ZNF280D: variants seen among roughly 807,000 people sequenced by gnomAD.
ZNF280D encodes zinc finger protein 280D.
Under a neutral mutation model 94.7 loss-of-function variants are expected in ZNF280D, and 39 were observed. The observed-to-expected ratio is 0.41, with a 90% CI of 0.32 to 0.54. The LOEUF is 0.54. Ranked by LOEUF, ZNF280D falls within the 20% of genes least tolerant of loss-of-function variation. ZNF280D has a pLI of 0.22. For synonymous variants in ZNF280D, 398 were observed against 377.6 expected (o/e 1.05, Z -0.63); for missense variants, 1,090 against 1,149.3 (o/e 0.95, Z 0.75).
At chr15:56,704,444 A>G (rs2057278022) in intron 3 of ZNF280D, among the ~76,000 whole-genome samples, 177 bp from the exon 4 acceptor site, 1 of 152,222 alleles carries the variant, frequency 6.6e-6, no homozygotes, top group Admixed American at 6.5e-5. Context: ...TTACTATCTA[A>G]AATATTAAAT....
At chr15:56,671,251 A>G (rs900200025) in intron 13 of ZNF280D, among the ~76,000 whole-genome samples, 3 of 152,136 alleles carry the variant, frequency 2.0e-5, no homozygotes, top group East Asian at 3.9e-4. Context: ...GCCTTTGCCT[A>G]TGCCTATGTC....
chr15:56,694,645 A>G (rs1217694784), intron 6 of ZNF280D, among the ~76,000 whole-genome samples: 6 of 152,234 alleles, frequency 3.9e-5, no homozygotes, highest in Non-Finnish European at 8.8e-5. Context: ...TGTTACCATA[A>G]TATCTACTAC....
intron 18 of ZNF280D, 30 bp downstream of exon 18, chr15:56,654,355 A>G (rs1375803158): frequency 1.3e-6 from 2 of 1,596,110 alleles, no homozygotes; most frequent in Admixed American, 1.8e-5. Flanking sequence ...AAAGTCAAAA[A>G]TCTAAAGTAG....
At chr15:56,642,867 C>T (rs2052697264) in intron 20 of ZNF280D, 85 bp downstream of exon 20, 1 of 943,874 alleles carries the variant, frequency 1.1e-6, no homozygotes, top group Non-Finnish European at 1.5e-6. Flanking sequence ...TGTATGCATG[C>T]TGAAATTGAA....
chr15:56,675,069 G>T (rs1259505015), intron 13 of ZNF280D, among the ~76,000 whole-genome samples: 1 of 151,858 alleles, frequency 6.6e-6, no homozygotes, highest in Non-Finnish European at 1.5e-5. Context: ...CTAATAGACT[G>T]CCCCCTCTTT....
chr15:56,722,566 A>G (rs572122366), intron 1 of ZNF280D, among the ~76,000 whole-genome samples: 160 of 152,350 alleles, frequency 1.1e-3, no homozygotes, highest in Non-Finnish European at 1.8e-3. Context: ...ATCATTAAAA[A>G]GTCAGGAAAC....
chr15:56,723,090 A>C, intron 1 of ZNF280D, among the ~76,000 whole-genome samples: 1 of 63,434 alleles, frequency 1.6e-5, no homozygotes, highest in African/African-American at 6.3e-5. Flanking sequence ...GGGTGGGGGG[A>C]GGGGGGAGGG....
intron 16 of ZNF280D, among the ~76,000 whole-genome samples, chr15:56,663,005 G>A (rs1006256021): frequency 6.6e-6 from 1 of 151,790 alleles, no homozygotes; most frequent in African/African-American, 2.4e-5. Flanking sequence ...ATGGGGCCAG[G>A]TGCAGAGGGG....
chr15:56,671,228 T>C (rs944496606), intron 13 of ZNF280D, among the ~76,000 whole-genome samples: 3 of 152,024 alleles, frequency 2.0e-5, no homozygotes, highest in South Asian at 4.1e-4. Context: ...GGTGTCTTCA[T>C]CATGAAATCT....
chr15:56,675,135 T>C (rs373783698), intron 13 of ZNF280D, among the ~76,000 whole-genome samples: 16 of 152,096 alleles, frequency 1.1e-4, no homozygotes, highest in South Asian at 6.2e-4. Context: ...TTGGCAGCCA[T>C]GGCAAGTTAA....
At chr15:56,657,219 T>C (rs914916289) in intron 17 of ZNF280D, among the ~76,000 whole-genome samples, 4 of 152,172 alleles carry the variant, frequency 2.6e-5, no homozygotes, top group Non-Finnish European at 5.9e-5. Context: ...GTGTGTGGTA[T>C]AACCAAAGAT....
rs577149599 is a variant in ZNF280D, at chr15:56,658,527, T to C, written c.1995-41A>G. 16 of 1,362,122 alleles carry C rather than the reference T, an allele frequency of 1.2e-5. No individual in the cohort carries two copies. In the South Asian group the frequency reaches 2.0e-4, roughly 17 times the overall value. The allele number at this position is 1,362,122 out of a possible 1,614,324, so 84.4% of individuals were successfully genotyped here. ...AGATAGTAAAAATTTTATTATACAA[T>C]AAGTCACATTAATTTATAACTATAT... On this transcript the variant is annotated intron_variant, in intron 16 of 21. Coordinates refer to ENST00000267807, the MANE Select transcript of ZNF280D (RefSeq NM_017661.4).
chr15:56,685,338 T>TA (rs1321099235), intron 9 of ZNF280D, among the ~76,000 whole-genome samples: 53 of 105,184 alleles, frequency 5.0e-4, no homozygotes, highest in Non-Finnish European at 1.1e-3. Context: ...TGACATAAGG[T>TA]AAAAAAACAA....
chr15:56,634,541 G>A (rs756729239), intron 21 of ZNF280D, among the ~76,000 whole-genome samples: 3 of 151,398 alleles, frequency 2.0e-5, no homozygotes, highest in Non-Finnish European at 2.9e-5. Flanking sequence ...TTGCTTTTAG[G>A]GACAAAAGAT....
At chr15:56,700,129 C>T (rs1193467292) in intron 6 of ZNF280D, 10 of 947,204 alleles carry the variant, frequency 1.1e-5, no homozygotes, top group Non-Finnish European at 1.3e-5. Flanking sequence ...TTGCAAACTA[C>T]AATCTGAGAA....
At chr15:56,706,693 A>C (rs1406877691) in intron 3 of ZNF280D, among the ~76,000 whole-genome samples, 1 of 152,136 alleles carries the variant, frequency 6.6e-6, no homozygotes, top group African/African-American at 2.4e-5. Context: ...AAACTCATAT[A>C]GTATACAAAG....
At chr15:56,669,898 AT>A (rs2054613012) in intron 13 of ZNF280D, among the ~76,000 whole-genome samples, 8 of 8,824 alleles carry the variant, frequency 9.1e-4, no homozygotes, top group African/African-American at 2.7e-3. Context: ...TTATATATAT[AT>A]ATAATATATA....
At chr15:56,728,242 C>G (rs1272095979) in intron 1 of ZNF280D, among the ~76,000 whole-genome samples, 1 of 152,090 alleles carries the variant, frequency 6.6e-6, no homozygotes, top group Non-Finnish European at 1.5e-5. Context: ...AGGCTAGTCT[C>G]AAACTCCTAG....
intron 4 of ZNF280D, 61 bp from the exon 5 acceptor site, chr15:56,701,299 T>C (rs181737913): frequency 1.7e-6 from 2 of 1,156,980 alleles, no homozygotes; most frequent in Non-Finnish European, 2.5e-6. Context: ...ATTAAGATAA[T>C]AGAAATCATG....
Sources: allele counts gnomAD v4.1 joint callset (sites outside exome capture counted in the v4.1 genomes callset), GRCh38; gene constraint gnomAD v4.1.1; transcripts MANE v1.5; gene names NCBI Gene and HGNC (gene_info 2026-07-23, HGNC 2026-07-21).